The following ZMIZ1 variants were observed in gnomAD, a reference collection of about 807,000 sequenced individuals.
ZMIZ1 encodes zinc finger MIZ-type containing 1.
A neutral mutation model predicts 113.9 loss-of-function variants in ZMIZ1; 17 were observed. The ratio of observed to expected loss-of-function variants is 0.15; its 90% confidence interval spans 0.10 to 0.22. The LOEUF (loss-of-function observed/expected upper bound fraction) is 0.22, where lower values mean the gene tolerates loss of function less well. Among genes scored for constraint, ZMIZ1 ranks in the 10% least tolerant of loss-of-function variants. The pLI is 1.00. For missense variants in ZMIZ1, 1,059 were observed against 1,477.8 expected, an observed-to-expected ratio of 0.72 and a Z score of 4.65; for synonymous variants, 607 against 603.1, an observed-to-expected ratio of 1.01 and a Z score of -0.09.
At chr10:79,237,572 C>T (rs150211193) in intron 7 of ZMIZ1, among the ~76,000 whole-genome samples, 173 of 152,280 alleles carry the variant, frequency 1.1e-3, no homozygotes, top group African/African-American at 3.9e-3. Context: ...CTTGTGGCAA[C>T]ATAACTTCAG....
chr10:79,303,685 G>A (rs534630934), intron 18 of ZMIZ1, among the ~76,000 whole-genome samples: 1 of 152,318 alleles, frequency 6.6e-6, no homozygotes, highest in South Asian at 2.1e-4. Flanking sequence ...CAGTAAATCA[G>A]AGAAGTGCCA....
chr10:79,159,969 C>T (rs181990019), intron 3 of ZMIZ1, among the ~76,000 whole-genome samples: 2 of 152,334 alleles, frequency 1.3e-5, no homozygotes, highest in Admixed American at 6.5e-5. Context: ...CGGGCCTGGC[C>T]GATGCTCACT....
chr10:79,249,820 C>T (rs1850436513), intron 7 of ZMIZ1, among the ~76,000 whole-genome samples: 2 of 152,180 alleles, frequency 1.3e-5, no homozygotes, highest in South Asian at 4.1e-4. Flanking sequence ...CCCTTTCCCC[C>T]CAATGCACGA....
chr10:79,155,247 G>A (rs560987755), intron 3 of ZMIZ1, among the ~76,000 whole-genome samples: 6 of 152,186 alleles, frequency 3.9e-5, no homozygotes, highest in Non-Finnish European at 7.3e-5. Context: ...AGGTTTGAGC[G>A]GGCCACCTGT....
intron 1 of ZMIZ1, among the ~76,000 whole-genome samples, chr10:79,100,300 T>C (rs1843314704): frequency 6.6e-6 from 1 of 151,786 alleles, no homozygotes; most frequent in South Asian, 2.1e-4. Flanking sequence ...AGTTGGGGAA[T>C]GCTCAGCAGA....
At chr10:79,114,839 C>G (rs373377341) in intron 1 of ZMIZ1, among the ~76,000 whole-genome samples, 1 of 152,074 alleles carries the variant, frequency 6.6e-6, no homozygotes, top group Non-Finnish European at 1.5e-5. Flanking sequence ...GGCTGCTGCC[C>G]GGGTGGTGTC....
At chr10:79,100,634 G>A (rs1843332061) in intron 1 of ZMIZ1, among the ~76,000 whole-genome samples, 1 of 152,212 alleles carries the variant, frequency 6.6e-6, no homozygotes, top group Non-Finnish European at 1.5e-5. Flanking sequence ...TTGCAGACCA[G>A]TAGCTGCAGT....
intron 23 of ZMIZ1, 21 bp from the exon 24 acceptor site, chr10:79,310,903 C>T (rs752618878): frequency 6.2e-7 from 1 of 1,607,044 alleles, no homozygotes; most frequent in Non-Finnish European, 8.5e-7. Flanking sequence ...CTCTTCTCTC[C>T]CGCTCTCTCC....
intron 7 of ZMIZ1, among the ~76,000 whole-genome samples, chr10:79,261,474 C>T (rs1267181120): frequency 6.6e-6 from 1 of 152,320 alleles, no homozygotes; most frequent in East Asian, 1.9e-4. Context: ...CTCCCTCCCC[C>T]AGCTGCTCTG....
At chr10:79,146,207 C>A (rs944196592) in intron 3 of ZMIZ1, among the ~76,000 whole-genome samples, 1 of 152,172 alleles carries the variant, frequency 6.6e-6, no homozygotes, top group African/African-American at 2.4e-5. Context: ...TCCCCTAGAG[C>A]AGGGTCTCCG....
intron 17 of ZMIZ1, among the ~76,000 whole-genome samples, chr10:79,301,216 T>C (rs1291185796): frequency 6.6e-6 from 1 of 152,120 alleles, no homozygotes; most frequent in Non-Finnish European, 1.5e-5. Flanking sequence ...CCACACATGC[T>C]TCCGATTCAC....
At chr10:79,182,543 A>G (rs957557123) in intron 4 of ZMIZ1, among the ~76,000 whole-genome samples, 6 of 152,238 alleles carry the variant, frequency 3.9e-5, no homozygotes, top group Admixed American at 1.3e-4. Context: ...GTCCACAACT[A>G]TGAATACTGG....
intron 3 of ZMIZ1, among the ~76,000 whole-genome samples, chr10:79,145,582 G>A (rs547016326): frequency 1.3e-5 from 2 of 152,000 alleles, no homozygotes; most frequent in South Asian, 2.1e-4. Flanking sequence ...AGCCCTTCCC[G>A]AGGCTTCATT....
chr10:79,195,928 C>A (rs1268367913), intron 4 of ZMIZ1, among the ~76,000 whole-genome samples: 4 of 152,204 alleles, frequency 2.6e-5, no homozygotes, highest in African/African-American at 9.7e-5. Flanking sequence ...ATTAGCACTG[C>A]ATAGGGCCTG....
chr10:79,103,602 G>C (rs984473400), intron 1 of ZMIZ1, among the ~76,000 whole-genome samples: 1 of 152,098 alleles, frequency 6.6e-6, no homozygotes, highest in African/African-American at 2.4e-5. Context: ...GGAGGGCAAG[G>C]GGTGATGCCA....
chr10:79,310,030 C>T (rs1288944463), intron 23 of ZMIZ1, among the ~76,000 whole-genome samples: 2 of 152,134 alleles, frequency 1.3e-5, no homozygotes, highest in Non-Finnish European at 2.9e-5. Context: ...ACCCACCCAC[C>T]CACAGACAGC....
rs181691628 is a variant in ZMIZ1, at chr10:79,308,071, T to C, written c.2835+500T>C. ...CACTTCTCATTCTGTTTCACACTTA[T>C]CGACATATGCCCTGTGTGGCTGAGG... On this transcript the variant is annotated intron_variant, in intron 23 of 24. Transcript: ENST00000334512. Among the ~76,000 whole-genome samples the C allele has an allele frequency of 2.2e-3, 331 of 152,366 alleles. 1 individual carries two copies. The Middle Eastern group carries it at 0.027, about 13-fold the overall frequency.
At chr10:79,217,653 C>T (rs1443899584) in intron 7 of ZMIZ1, among the ~76,000 whole-genome samples, 1 of 152,200 alleles carries the variant, frequency 6.6e-6, no homozygotes, top group Non-Finnish European at 1.5e-5. Flanking sequence ...TGATGTGTTT[C>T]CATAAATCTG....
intron 7 of ZMIZ1, among the ~76,000 whole-genome samples, chr10:79,251,750 G>A (rs1436304856): frequency 3.3e-5 from 5 of 152,222 alleles, no homozygotes; most frequent in Non-Finnish European, 7.3e-5. Flanking sequence ...GACAGCTTGT[G>A]TAACTCTCAG....
Sources: allele counts gnomAD v4.1 joint callset (sites outside exome capture counted in the v4.1 genomes callset), GRCh38; gene constraint gnomAD v4.1.1; transcripts MANE v1.5; gene names NCBI Gene and HGNC (gene_info 2026-07-23, HGNC 2026-07-21).